The following CFAP54 variants were observed in gnomAD, a reference collection of about 807,000 sequenced individuals.
The protein encoded by CFAP54 is cilia and flagella associated protein 54.
A neutral mutation model predicts 370.4 loss-of-function variants in CFAP54; 290 were observed. That is an observed-to-expected ratio of 0.78 (90% CI 0.71 to 0.86). CFAP54 has a LOEUF of 0.86. Among genes scored for constraint, CFAP54 ranks in the 40% least tolerant of loss-of-function variants. The probability of loss-of-function intolerance (pLI) is 0.00; values close to 1 mark genes in which losing one functional copy is unlikely to be tolerated. For missense variants in CFAP54, 3,399 were observed against 3,528.7 expected (o/e 0.96, Z 0.93); for synonymous variants, 1,206 against 1,236.5 (o/e 0.98, Z 0.52).
chr12:96,587,706 T>G (rs1956087264), intron 22 of CFAP54, among the ~76,000 whole-genome samples: 1 of 152,240 alleles, frequency 6.6e-6, no homozygotes, highest in Non-Finnish European at 1.5e-5. Flanking sequence ...AAAGAACAGT[T>G]AATTATAGTT....
intron 1 of CFAP54, among the ~76,000 whole-genome samples, chr12:96,491,867 C>G (rs983424916): frequency 1.3e-5 from 2 of 152,200 alleles, no homozygotes; most frequent in African/African-American, 4.8e-5. Context: ...TTAAGCGATT[C>G]TTGTGCCTCA....
At chr12:96,774,277 C>A (rs1958493357) in intron 60 of CFAP54, among the ~76,000 whole-genome samples, 1 of 151,910 alleles carries the variant, frequency 6.6e-6, no homozygotes, top group South Asian at 2.1e-4. Context: ...CATGATAGTT[C>A]TGTTCCATGA....
chr12:96,840,081 T>G (rs967522818), intron 66 of CFAP54, among the ~76,000 whole-genome samples: 7 of 152,298 alleles, frequency 4.6e-5, no homozygotes, highest in African/African-American at 1.7e-4. Context: ...AGTCAACTTT[T>G]AAGAAGGGAA....
chr12:96,571,270 A>G (rs1955914200), intron 19 of CFAP54, among the ~76,000 whole-genome samples: 1 of 152,224 alleles, frequency 6.6e-6, no homozygotes, highest in African/African-American at 2.4e-5. Context: ...GGGAAACTAT[A>G]CGCAGAGAAA....
chr12:96,781,201 C>G (rs878922977), intron 60 of CFAP54, among the ~76,000 whole-genome samples: 1 of 152,038 alleles, frequency 6.6e-6, no homozygotes, highest in Admixed American at 6.6e-5. Flanking sequence ...GACTAAAAAG[C>G]TAGATGATAC....
intron 26 of CFAP54, among the ~76,000 whole-genome samples, chr12:96,600,095 T>C (rs1956223131): frequency 1.3e-5 from 2 of 152,194 alleles, no homozygotes; most frequent in Non-Finnish European, 1.5e-5. Flanking sequence ...TCCTGAATGG[T>C]ATTGCCAGTT....
chr12:96,756,689 T>C, intron 57 of CFAP54, 126 bp downstream of exon 57: 1 of 662,934 alleles, frequency 1.5e-6, no homozygotes, highest in South Asian at 1.8e-5. Context: ...GTTCATGGGG[T>C]CCATCTCAAG....
At chr12:96,757,433 A>G (rs1365109389) in intron 57 of CFAP54, 62 bp from the exon 58 acceptor site, 2 of 935,740 alleles carry the variant, frequency 2.1e-6, no homozygotes, top group East Asian at 5.4e-5. Flanking sequence ...ATTGTTGGCA[A>G]ATGATACCAA....
At chr12:96,511,520 G>A (rs910926126) in intron 4 of CFAP54, among the ~76,000 whole-genome samples, 9 of 152,258 alleles carry the variant, frequency 5.9e-5, no homozygotes, top group South Asian at 4.1e-4. Context: ...GTTTCTCCAC[G>A]TTGGCCAGGC....
intron 64 of CFAP54, among the ~76,000 whole-genome samples, chr12:96,813,876 G>C (rs968031357): frequency 2.6e-5 from 4 of 152,226 alleles, no homozygotes; most frequent in African/African-American, 7.2e-5. Flanking sequence ...CTGGAGGACA[G>C]AAATGAAGAA....
intron 58 of CFAP54, among the ~76,000 whole-genome samples, chr12:96,758,642 G>A (rs1958294869): frequency 6.6e-6 from 1 of 152,122 alleles, no homozygotes; most frequent in African/African-American, 2.4e-5. Context: ...TGTATTGGTG[G>A]AATTTTCAAT....
Position 96,700,080 on chromosome 12 carries a change from CT to C in CFAP54, c.6462del (p.Gly2155GlufsTer3). 6.2e-7 allele frequency: 1 copy of C among 1,603,312 alleles called. No homozygotes were observed. The highest frequency in any genetic ancestry group is 2.2e-5 in the East Asian group (1 of 44,644). On this transcript the variant is annotated frameshift_variant, in exon 46 of 68. Coordinates refer to ENST00000524981, the MANE Select transcript of CFAP54 (RefSeq NM_001306084.2). LOFTEE classifies it high-confidence loss of function. ...CCAATACCTGCAGGCTATAAAGCCA[CT>C]GGAAAAATGAAGGTAACCTGACAAT... ...PCPIPAGYKATGKMKIFQSFD... is the reference protein window; with the variant it reads ...PCPIPAGYKAXGKMKIFQSFD...
At chr12:96,683,867 C>T (rs1957296534) in intron 40 of CFAP54, among the ~76,000 whole-genome samples, 1 of 109,810 alleles carries the variant, frequency 9.1e-6, no homozygotes, top group African/African-American at 2.9e-5. Flanking sequence ...TCTTGGCTCA[C>T]TGCAACCTCC....
chr12:96,767,726 T>A (rs1489920109), intron 60 of CFAP54, among the ~76,000 whole-genome samples: 2 of 152,148 alleles, frequency 1.3e-5, no homozygotes, highest in Admixed American at 1.3e-4. Context: ...TTATAATGGC[T>A]TGCTAAAGGG....
intron 48 of CFAP54, among the ~76,000 whole-genome samples, chr12:96,709,161 C>G (rs1462883926): frequency 1.3e-5 from 2 of 152,154 alleles, no homozygotes; most frequent in Non-Finnish European, 2.9e-5. Flanking sequence ...TTGCTTTGGT[C>G]CATTATATTG....
chr12:96,509,016 T>G (rs1955137771), intron 4 of CFAP54, among the ~76,000 whole-genome samples: 1 of 152,230 alleles, frequency 6.6e-6, no homozygotes, highest in Non-Finnish European at 1.5e-5. Context: ...TGTTTTAATT[T>G]ATTCTCTAAC....
At chr12:96,738,331 T>C (rs1202611947) in intron 50 of CFAP54, among the ~76,000 whole-genome samples, 1 of 152,158 alleles carries the variant, frequency 6.6e-6, no homozygotes, top group African/African-American at 2.4e-5. Flanking sequence ...CCTAAGACTG[T>C]TGTAGCAAAG....
chr12:96,544,218 G>A (rs977367962), intron 14 of CFAP54, among the ~76,000 whole-genome samples: 15 of 22,340 alleles, frequency 6.7e-4, no homozygotes, highest in Non-Finnish European at 1.4e-3. Context: ...GCAGTTCCTG[G>A]CTCATGACTC....
intron 5 of CFAP54, among the ~76,000 whole-genome samples, chr12:96,514,424 A>G (rs1256206398): frequency 6.6e-6 from 1 of 152,244 alleles, no homozygotes; most frequent in Admixed American, 6.5e-5. Context: ...TCTGAGTGTG[A>G]ATTAAATTGA....
Sources: allele counts gnomAD v4.1 joint callset (sites outside exome capture counted in the v4.1 genomes callset), GRCh38; gene constraint gnomAD v4.1.1; transcripts MANE v1.5; gene names NCBI Gene and HGNC (gene_info 2026-07-23, HGNC 2026-07-21).